POMT2: variants seen among roughly 807,000 people sequenced by gnomAD.
The protein encoded by POMT2 is protein O-mannosyl-transferase 2.
POMT2 carries 75 observed loss-of-function variants against 100.0 expected under a neutral mutation model. That is an observed-to-expected ratio of 0.75 (90% CI 0.62 to 0.91). The LOEUF (loss-of-function observed/expected upper bound fraction) is 0.91, where lower values mean the gene tolerates loss of function less well. POMT2 is among the 40% of genes least tolerant of loss of function. POMT2 has a pLI of 0.00. For synonymous variants in POMT2, 378 were observed against 374.1 expected (o/e 1.01, Z -0.12); for missense variants, 940 against 955.1 (o/e 0.98, Z 0.21).
chr14:77,320,525 C>T lies in POMT2; in HGVS notation c.157G>A (p.Glu53Lys), dbSNP rs1391631696. The part of the protein sequence containing the change: ...KRPAWGSRRF[E>K]AVGWWALLAL... ...AGCAGGGCCCACCAGCCGACCGCCT[C>T]GAAGCGCCGTGAGCCCCAAGCAGGC... The change falls in exon 1 of 21, where the codon GAG (glutamate) becomes AAG (lysine). Residue 53 changes from glutamate (E) to lysine (K), a missense_variant. Glu to Lys is a moderately conservative substitution (Grantham distance 56). Transcript: ENST00000261534. 3.9e-6 allele frequency: 6 copies of T among 1,556,558 alleles called. No individual in the cohort carries two copies. Among genetic ancestry groups the T allele is most frequent in the Non-Finnish European group, 2.6e-6 (3 of 1,156,102 alleles).
At chr14:77,297,725 T>C (rs970500064) in intron 8 of POMT2, among the ~76,000 whole-genome samples, 1 of 152,220 alleles carries the variant, frequency 6.6e-6, no homozygotes, top group Non-Finnish European at 1.5e-5. Context: ...CCTCTCTTGC[T>C]GTGTCCAGAT....
chr14:77,278,310 AC>A (rs768528331), intron 20 of POMT2, 83 bp downstream of exon 20: 172 of 1,148,000 alleles, frequency 1.5e-4, no homozygotes, highest in Non-Finnish European at 2.1e-4. Context: ...TGTTAAAAGC[AC>A]CGCAGGGGAT....
chr14:77,316,121 A>T (rs370610491), intron 1 of POMT2, among the ~76,000 whole-genome samples: 2 of 152,242 alleles, frequency 1.3e-5, no homozygotes, highest in African/African-American at 4.8e-5. Context: ...CACCCTTTTT[A>T]AAAGGACAGC....
chr14:77,305,774 G>C (rs930341070), intron 3 of POMT2, among the ~76,000 whole-genome samples: 1 of 152,222 alleles, frequency 6.6e-6, no homozygotes, highest in African/African-American at 2.4e-5. Flanking sequence ...CAAGGCTGGT[G>C]CTGTAAATCA....
At position 77,302,963 on chromosome 14, in the gene POMT2, TG is replaced by T; in HGVS notation, c.548-21del. 1 of 1,587,706 alleles carries T rather than the reference TG, an allele frequency of 6.3e-7. No homozygotes were observed. The highest frequency in any genetic ancestry group is 8.6e-7 in the Non-Finnish European group (1 of 1,159,354). The stretch of plus-strand genomic sequence containing the variant: ...CCGTGTCTGAAAAACATGAGCTCGC[TG>T]GTGAAAAAGCGAGGTAAGAGAAGGG... On this transcript the variant is annotated intron_variant, in intron 4 of 20. Coordinates refer to ENST00000261534, the MANE Select transcript of POMT2 (RefSeq NM_013382.7).
At chr14:77,283,584 G>A (rs1432062408) in intron 15 of POMT2, among the ~76,000 whole-genome samples, 1 of 152,212 alleles carries the variant, frequency 6.6e-6, no homozygotes, top group Admixed American at 6.5e-5. Flanking sequence ...CACATGAGCT[G>A]TACAAGCAGT....
rs747617787 is a variant in POMT2, at chr14:77,281,114, A to C, written c.1654-651T>G. On this transcript the variant is annotated intron_variant, in intron 15 of 20. Transcript: ENST00000261534. ...AGTCTCAAAATAAATAAATAAATAA[A>C]TAAATAAATAAATAAATAAATAAAT... Among the ~76,000 whole-genome samples the C allele has an allele frequency of 1.2e-3, 174 of 148,242 alleles. 1 individual carries two copies. The highest frequency in any genetic ancestry group is 2.1e-3 in the Non-Finnish European group (139 of 66,310).
intron 2 of POMT2, 58 bp downstream of exon 2, chr14:77,311,891 C>T: frequency 1.3e-6 from 2 of 1,598,738 alleles, no homozygotes; most frequent in Non-Finnish European, 1.7e-6. Flanking sequence ...AGATGTGGCT[C>T]CAGCCCTTAG....
Position 77,301,181 on chromosome 14 carries a change from A to G in POMT2, c.725T>C (p.Val242Ala), listed in dbSNP as rs1891024574. 1 of 1,614,158 alleles carries G rather than the reference A, an allele frequency of 6.2e-7. No individual in the cohort carries two copies. The highest frequency in any genetic ancestry group is 8.5e-7 in the Non-Finnish European group (1 of 1,180,022). ...TGVSLAGALG[V>A]KFVGLFIILQ... ...GATGATAAAGAGGCCAACAAACTTG[A>G]CCCCTAAAGCACCAGCAAGACTAAC... Residue 242 changes from valine (V) to alanine (A), a missense_variant, in exon 6 of 21, where the codon GTC (valine) becomes GCC (alanine). Coordinates refer to ENST00000261534, the MANE Select transcript of POMT2 (RefSeq NM_013382.7).
chr14:77,282,107 C>T (rs922058327), intron 15 of POMT2, among the ~76,000 whole-genome samples: 4 of 152,150 alleles, frequency 2.6e-5, no homozygotes, highest in Admixed American at 2.0e-4. Flanking sequence ...TGGACCCCTG[C>T]GGCAGTTGCT....
At chr14:77,301,038 C>T (rs1479626998) in intron 6 of POMT2, 52 bp downstream of exon 6, 5 of 1,612,292 alleles carry the variant, frequency 3.1e-6, no homozygotes, top group Admixed American at 3.3e-5. Context: ...AGCTCCTACT[C>T]AGCAACATCA....
chr14:77,284,896 G>A (rs1205820967), intron 14 of POMT2, 54 bp downstream of exon 14: 4 of 1,448,268 alleles, frequency 2.8e-6, no homozygotes, highest in Non-Finnish European at 3.9e-6. Context: ...CTAAGATAAG[G>A]GTTTCTTATA....
At chr14:77,296,589 T>C (rs1890840476) in intron 8 of POMT2, 6 of 334,004 alleles carry the variant, frequency 1.8e-5, no homozygotes, top group South Asian at 1.5e-4. Flanking sequence ...ATGGATTCAA[T>C]GGAATAAAGA....
Position 77,301,264 on chromosome 14 carries a change from G to A in POMT2, c.657-15C>T, listed in dbSNP as rs571706805. ...CAGAGAAGGGCCTGAAAATCAACAA[G>A]ACGGAGTTCAATTTGGCAGCTGGAA... On this transcript the variant is annotated splice_polypyrimidine_tract_variant and intron_variant, in intron 5 of 20. Coordinates refer to ENST00000261534, the MANE Select transcript of POMT2 (RefSeq NM_013382.7). The A allele has an allele frequency of 1.9e-6, 3 of 1,614,016 alleles. No homozygotes were observed. The highest frequency in any genetic ancestry group is 2.5e-6 in the Non-Finnish European group (3 of 1,179,940).
chr14:77,302,671 T>A (rs1891084645), intron 5 of POMT2, among the ~76,000 whole-genome samples, 164 bp downstream of exon 5: 1 of 150,158 alleles, frequency 6.7e-6, no homozygotes, highest in African/African-American at 2.4e-5. Context: ...ATTTTTATGA[T>A]CTAAAATGGA....
At chr14:77,285,422 T>C in intron 13 of POMT2, 59 bp downstream of exon 13, 2 of 1,605,432 alleles carry the variant, frequency 1.2e-6, no homozygotes, top group African/African-American at 1.3e-5. Flanking sequence ...GCATACTCCT[T>C]GTAGAGTGAA....
intron 13 of POMT2, 170 bp downstream of exon 13, chr14:77,285,311 C>A: frequency 1.1e-6 from 1 of 899,032 alleles, no homozygotes; most frequent in Non-Finnish European, 1.7e-6. Flanking sequence ...GAAGCTCCCC[C>A]GGAGTTCTGT....
At chr14:77,288,086 C>A (rs978951038) in intron 11 of POMT2, among the ~76,000 whole-genome samples, 3 of 152,160 alleles carry the variant, frequency 2.0e-5, no homozygotes, top group Non-Finnish European at 2.9e-5. Context: ...TTTGGGTGAG[C>A]CTAGGTTTGA....
rs764571262 is a variant in POMT2 at position 77,320,663 on chromosome 14, C to G, written c.19G>C (p.Gly7Arg). The G allele has an allele frequency of 1.3e-6, 2 of 1,593,490 alleles. No individual in the cohort carries two copies. Among genetic ancestry groups the G allele is most frequent in the Non-Finnish European group, 8.5e-7 (1 of 1,178,088 alleles). Residue 7 changes from glycine (G) to arginine (R), a missense_variant, in exon 1 of 21, where the codon GGA becomes CGA. Gly to Arg is a moderately radical substitution (Grantham distance 125). Transcript: ENST00000261534. MPPATG[G>R]GLAESELRPR... ...CGCAGCTCGGACTCTGCCAGGCCTC[C>G]GCCCGTGGCCGGCGGCATCTTCCCC...
Sources: gnomAD v4.1 joint callset for allele counts (sites outside exome capture counted in the v4.1 genomes callset) on GRCh38, gnomAD v4.1.1 for gene constraint, MANE v1.5 for transcripts, NCBI Gene and HGNC (gene_info 2026-07-23, HGNC 2026-07-21) for gene names.